AKAP11: variants seen among roughly 807,000 people sequenced by gnomAD.
AKAP11 encodes A-kinase anchor protein 11.
Under a neutral mutation model 146.1 loss-of-function variants are expected in AKAP11, and 36 were observed. The ratio of observed to expected loss-of-function variants is 0.25; its 90% CI spans 0.19 to 0.33. AKAP11 has a LOEUF of 0.33. AKAP11 is among the 10% of genes least tolerant of loss of function. The pLI, the probability that AKAP11 is intolerant of heterozygous loss-of-function variation, is 1.00. For synonymous variants in AKAP11, 780 were observed against 786.5 expected (o/e 0.99, Z 0.14); for missense variants, 2,201 against 2,197.0 (o/e 1.00, Z -0.04).
At chr13:42,281,553 G>T (rs867975657) in intron 1 of AKAP11, among the ~76,000 whole-genome samples, 1 of 152,118 alleles carries the variant, frequency 6.6e-6, no homozygotes, top group Non-Finnish European at 1.5e-5. Context: ...AGGAGATAAG[G>T]AAAGACTTGG....
intron 1 of AKAP11, among the ~76,000 whole-genome samples, chr13:42,285,569 T>A (rs1259083025): frequency 3.9e-5 from 6 of 152,248 alleles, no homozygotes; most frequent in Non-Finnish European, 8.8e-5. Context: ...TTTAAATGAA[T>A]GGACAAGATA....
intron 12 of AKAP11, 93 bp from the exon 13 acceptor site, chr13:42,318,995 G>A (rs1960962119): frequency 2.1e-6 from 3 of 1,398,914 alleles, no homozygotes; most frequent in South Asian, 2.6e-5. Flanking sequence ...TAAACAGCAG[G>A]ATTCTTAAGT....
At chr13:42,297,495 C>T (rs1004211840) in intron 6 of AKAP11, among the ~76,000 whole-genome samples, 2 of 151,910 alleles carry the variant, frequency 1.3e-5, no homozygotes, top group African/African-American at 4.8e-5. Context: ...GTATAAGCTA[C>T]AGTGACTTTT....
chr13:42,299,409 G>C lies in AKAP11; in HGVS notation c.663G>C (p.Gln221His). 6.2e-7 allele frequency: 1 copy of C among 1,613,772 alleles called. No individual in the cohort carries two copies. The highest frequency in any genetic ancestry group is 8.5e-7 in the Non-Finnish European group (1 of 1,179,796). ...GGAGCCAGTGTGATGCTGCTTCCCA[G>C]ACGGTTACTGGTCATCATTTAGAAA... ...VLRSQCDAASQTVTGHHLETH... is the reference protein window; with the variant it reads ...VLRSQCDAASHTVTGHHLETH... The change falls in exon 8 of 13, where the codon CAG becomes CAC. Residue 221 changes from glutamine to histidine, a missense_variant. Transcript: ENST00000025301.
chr13:42,281,307 A>C (rs1022345882), intron 1 of AKAP11, among the ~76,000 whole-genome samples: 11 of 152,238 alleles, frequency 7.2e-5, no homozygotes, highest in Admixed American at 2.0e-4. Context: ...TTAAAAGTAC[A>C]GATTCCTATG....
intron 6 of AKAP11, among the ~76,000 whole-genome samples, chr13:42,297,737 A>G (rs1362608498): frequency 6.6e-6 from 1 of 152,014 alleles, no homozygotes; most frequent in Non-Finnish European, 1.5e-5. Flanking sequence ...AATGCTTTGC[A>G]TTCTAAGAGA....
Position 42,319,194 on chromosome 13 carries a change from A to G in AKAP11, c.5672A>G (p.Lys1891Arg). ...MEKASSEERC[K>R]SLFDWLLENA is the part of the protein sequence containing the mutation. The stretch of plus-strand genomic sequence containing the variant: ...AAAGCTTCCAGTGAGGAGAGATGCA[A>G]GTCGCTGTTTGATTGGCTCTTGGAA... Residue 1891 changes from lysine (K) to arginine (R), a missense_variant, in exon 13 of 13, where the codon AAG (lysine) becomes AGG (arginine). Coordinates refer to ENST00000025301, the MANE Select transcript of AKAP11 (RefSeq NM_016248.4). The G allele has an allele frequency of 6.2e-7, 1 of 1,614,038 alleles. No homozygotes were observed. Among genetic ancestry groups the G allele is most frequent in the Non-Finnish European group, 8.5e-7 (1 of 1,179,954 alleles).
At chr13:42,310,627 T>TG (rs1400391447) in intron 9 of AKAP11, among the ~76,000 whole-genome samples, 3 of 150,800 alleles carry the variant, frequency 2.0e-5, no homozygotes, top group African/African-American at 7.3e-5. Context: ...CCAATGGGGG[T>TG]GGGGGTGGAT....
chr13:42,315,755 GC>G (rs1258027026), intron 11 of AKAP11, among the ~76,000 whole-genome samples: 1 of 152,206 alleles, frequency 6.6e-6, no homozygotes, highest in Non-Finnish European at 1.5e-5. Context: ...GAAAGTTACA[GC>G]CAGCTTTAAA....
chr13:42,275,064 A>C (rs1958881656), intron 1 of AKAP11, among the ~76,000 whole-genome samples: 1 of 152,320 alleles, frequency 6.6e-6, no homozygotes, highest in Admixed American at 6.5e-5. Flanking sequence ...AAAAAAAAGC[A>C]TTTGTCATAC....
In AKAP11 at chr13:42,286,311, A is replaced by G. The variant is rs1959165787; in HGVS notation, c.-38A>G. On this transcript the variant is annotated 5_prime_UTR_variant, in exon 3 of 13. Transcript: ENST00000025301. ...TATGTTTTCTTTAGGTGTTTTGTGG[A>G]TTAACTCTTCATTGATTATATACAA... 2 of 1,437,394 alleles carry G rather than the reference A, an allele frequency of 1.4e-6. No homozygotes were observed. Among genetic ancestry groups the G allele is most frequent in the African/African-American group, 1.4e-5 (1 of 69,342 alleles). 89.0% of individuals were successfully genotyped at this position (1,437,394 alleles called of 1,614,324 possible). A position where few individuals can be genotyped will look rare whatever the true frequency, so the allele number is the denominator to read the frequency against.
Position 42,303,709 on chromosome 13 carries a change from G to A in AKAP11, c.4963G>A (p.Val1655Ile). ...GAAGGCAGTGCTTGCTGAGAAGATA[G>A]TTGCTGAAGCCATTGAAAAAGCTGA... ...DKKAVLAEKI[V>I]AEAIEKAERE... Residue 1655 changes from valine to isoleucine, a missense_variant, in exon 8 of 13, where the codon GTT becomes ATT. By Grantham distance (29) the Val-to-Ile change is conservative. Coordinates refer to ENST00000025301, the MANE Select transcript of AKAP11 (RefSeq NM_016248.4). 1 of 1,614,154 alleles carries A rather than the reference G, an allele frequency of 6.2e-7. No homozygotes were observed. The highest frequency in any genetic ancestry group is 8.5e-7 in the Non-Finnish European group (1 of 1,180,032).
intron 1 of AKAP11, among the ~76,000 whole-genome samples, chr13:42,276,187 C>T (rs1011879552): frequency 3.3e-5 from 5 of 152,098 alleles, no homozygotes; most frequent in African/African-American, 9.7e-5. Flanking sequence ...GTAACATCTC[C>T]ATCTCTGACC....
rs1293265438 is a variant in AKAP11, at chr13:42,322,662, T to C, written c.*3434T>C. 2 of 152,362 alleles carry C rather than the reference T, an allele frequency of 1.3e-5. No individual in the cohort carries two copies. The highest frequency in any genetic ancestry group is 4.8e-5 in the African/African-American group (2 of 41,452). 9.4% of individuals were successfully genotyped at this position (152,362 alleles called of 1,614,324 possible). A position where few individuals can be genotyped will look rare whatever the true frequency, so the allele number is the denominator to read the frequency against. ...TTAGAAAAATTATACTAAAGTGAGATGCATTTTTTCTCATTTTCAGCAAGA... is the reference window on the plus strand; with the variant it reads ...TTAGAAAAATTATACTAAAGTGAGACGCATTTTTTCTCATTTTCAGCAAGA... On this transcript the variant is annotated 3_prime_UTR_variant, in exon 13 of 13. Coordinates refer to ENST00000025301, the MANE Select transcript of AKAP11 (RefSeq NM_016248.4).
rs147697173 is a variant in AKAP11, at chr13:42,305,437, A to G, written c.5117+1574A>G. Among the ~76,000 whole-genome samples the G allele has an allele frequency of 3.1e-4, 47 of 152,262 alleles. 1 individual carries two copies. In the East Asian group the frequency reaches 8.5e-3, roughly 28 times the overall value. ...CAGGCAGCCTTCTTTCTCCTAGACC[A>G]GGGGTTGGCAAACTACAGTCTGTGG... On this transcript the variant is annotated intron_variant, in intron 8 of 12. Coordinates refer to ENST00000025301, the MANE Select transcript of AKAP11 (RefSeq NM_016248.4).
Position 42,301,737 on chromosome 13 carries a change from C to G in AKAP11, c.2991C>G (p.His997Gln). 1.2e-6 allele frequency: 2 copies of G among 1,614,168 alleles called. No individual in the cohort carries two copies. The highest frequency in any genetic ancestry group is 1.7e-6 in the Non-Finnish European group (2 of 1,180,002). The part of the protein sequence containing the change: ...KFPDSQNQLT[H>Q]CSLSAAKDCV... The stretch of plus-strand genomic sequence containing the variant: ...CTGACTCTCAGAATCAGTTAACTCA[C>G]TGCTCACTTTCAGCTGCAAAGGATT... The change falls in exon 8 of 13, where the codon CAC (histidine) becomes CAG (glutamine). Residue 997 changes from histidine (H) to glutamine (Q), a missense_variant. By Grantham distance (24) the His-to-Gln change is conservative. This residue lies in a region of AKAP11 where 1,867 missense variants were observed against 1,833.5 expected (regional missense o/e 1.02). Transcript: ENST00000025301.
intron 6 of AKAP11, 25 bp downstream of exon 6, chr13:42,297,207 T>C (rs768372460): frequency 2.1e-6 from 3 of 1,402,606 alleles, no homozygotes; most frequent in Non-Finnish European, 9.5e-7. Flanking sequence ...TAATTTCTAA[T>C]GAGATTTTTA....
rs1594359759 is a variant in AKAP11 at position 42,314,023 on chromosome 13, A to G, written c.5404+83A>G. 8 of 1,374,462 alleles carry G rather than the reference A, an allele frequency of 5.8e-6. No individual in the cohort carries two copies. In the East Asian group the frequency reaches 1.1e-4, roughly 20 times the overall value. 85.1% of individuals were successfully genotyped at this position (1,374,462 alleles called of 1,614,324 possible). A position where few individuals can be genotyped will look rare whatever the true frequency, so the allele number is the denominator to read the frequency against. On this transcript the variant is annotated intron_variant, in intron 11 of 12. Transcript: ENST00000025301. ...GAGTCTTTATGCATTTTCATCAGAT[A>G]GGCTCTAGGTTATCAGTGTAAAACA...
chr13:42,319,493 T>A lies in AKAP11; in HGVS notation c.*265T>A. On this transcript the variant is annotated 3_prime_UTR_variant, in exon 13 of 13. Coordinates refer to ENST00000025301, the MANE Select transcript of AKAP11 (RefSeq NM_016248.4). ...CTAAGAACATGTATTTGAAGGAAGG[T>A]CTAACCAGGGGGTTTTCAGGGGCAT... 1 of 336,488 alleles carries A rather than the reference T, an allele frequency of 3.0e-6. No individual in the cohort carries two copies. Among genetic ancestry groups the A allele is most frequent in the Non-Finnish European group, 5.2e-6 (1 of 190,922 alleles). 20.8% of individuals were successfully genotyped at this position (336,488 alleles called of 1,614,324 possible).
Sources: allele counts gnomAD v4.1 joint callset (sites outside exome capture counted in the v4.1 genomes callset), GRCh38; gene constraint gnomAD v4.1.1; regional missense constraint gnomAD v4.1.1; transcripts MANE v1.5; gene names NCBI Gene and HGNC (gene_info 2026-07-23, HGNC 2026-07-21).